RAB9B: variants seen among roughly 807,000 people sequenced by gnomAD.
The protein encoded by RAB9B is ras-related protein Rab-9B.
A neutral mutation model predicts 8.9 loss-of-function variants in RAB9B; 1 was observed. That is an observed-to-expected ratio of 0.11 (90% CI 0.04 to 0.53). The LOEUF (loss-of-function observed/expected upper bound fraction) is 0.53, where lower values mean the gene tolerates loss of function less well. RAB9B is among the 20% of genes least tolerant of loss of function. The probability of loss-of-function intolerance (pLI) is 0.93; values close to 1 mark genes in which losing one functional copy is unlikely to be tolerated. For missense variants in RAB9B, 82 were observed against 152.9 expected, an observed-to-expected ratio of 0.54 and a Z score of 2.45; for synonymous variants, 63 against 57.0, an observed-to-expected ratio of 1.10 and a Z score of -0.47.
chrX:103,790,082 TAC>T, the RAB9B span, among the ~76,000 whole-genome samples: 1 of 112,200 alleles, frequency 8.9e-6, no homozygotes, highest in African/African-American at 3.2e-5. Context: ...GAGGTTTCCA[TAC>T]AGAGTCAAGT....
At chrX:103,788,709 T>C in the RAB9B span, 5 of 450,768 alleles carry the variant, frequency 1.1e-5, no homozygotes, top group South Asian at 9.8e-5. Flanking sequence ...TAGAGTTGCA[T>C]AGAAAGACTT....
At chrX:103,797,965 C>G in the RAB9B span, among the ~76,000 whole-genome samples, 1 of 111,317 alleles carries the variant, frequency 9.0e-6, no homozygotes, top group East Asian at 2.8e-4. Context: ...CCGCCATGAC[C>G]TTGCTGCTCT....
In RAB9B at chrX:103,822,614, A is replaced by C. The variant is rs2074665901; in HGVS notation, c.*2565T>G. ...TGATGTTTTAACAGACCATTGAAAA[A>C]CAGTATAGTCCTAATTAGAAATATA... On this transcript the variant is annotated 3_prime_UTR_variant, in exon 3 of 3. Coordinates refer to ENST00000243298, the MANE Select transcript of RAB9B (RefSeq NM_016370.4). The C allele has an allele frequency of 8.9e-6, 1 of 111,742 alleles. No individual in the cohort carries two copies. The highest frequency in any genetic ancestry group is 3.3e-5 in the African/African-American group (1 of 30,719). The allele number at this position is 111,742 out of a possible 1,213,427, so 9.2% of individuals were successfully genotyped here.
the RAB9B span, among the ~76,000 whole-genome samples, chrX:103,813,745 CAAAAAAAAAAA>C: frequency 8.2e-4 from 7 of 8,541 alleles, no homozygotes; most frequent in Middle Eastern, 0.1. Context: ...AAATGGAAAG[CAAAAAAAAAAA>C]AAAAAAAAAA....
chrX:103,787,877 T>G, the RAB9B span: 4 of 1,207,933 alleles, frequency 3.3e-6, no homozygotes, highest in Non-Finnish European at 4.5e-6. Context: ...TACATTTACT[T>G]CAACACCTGG....
chrX:103,788,974 A>T, the RAB9B span: 1 of 319,431 alleles, frequency 3.1e-6, no homozygotes. Flanking sequence ...TTATATACAA[A>T]TGAGGCAGGG....
At chrX:103,825,923 C>T (rs923418852) in intron 2 of RAB9B, 97 bp from the exon 3 acceptor site, 1 of 619,922 alleles carries the variant, frequency 1.6e-6, no homozygotes, top group Non-Finnish European at 2.5e-6. Context: ...CCTTCTCATT[C>T]AACTTCTCTG....
the RAB9B span, among the ~76,000 whole-genome samples, chrX:103,782,259 G>T: frequency 8.9e-6 from 1 of 112,087 alleles, no homozygotes; most frequent in Admixed American, 9.5e-5. Flanking sequence ...TAGCTTAATA[G>T]TGATAGATTT....
At chrX:103,806,858 C>T in the RAB9B span, among the ~76,000 whole-genome samples, 8 of 154 alleles carry the variant, frequency 0.052, no homozygotes, top group Admixed American at 0.35. Context: ...GTACTCAGAC[C>T]GCAGAAGAGA....
Position 103,824,999 on chromosome X carries a change from TTTTTTAA to T in RAB9B, c.*173_*179del. 2.1e-6 allele frequency: 1 copy of T among 480,999 alleles called. No homozygotes were observed. Among genetic ancestry groups the T allele is most frequent in the Non-Finnish European group, 3.2e-6 (1 of 310,915 alleles). 39.6% of individuals were successfully genotyped at this position (480,999 alleles called of 1,213,427 possible). A position where few individuals can be genotyped will look rare whatever the true frequency, so the allele number is the denominator to read the frequency against. Reference sequence around the variant, plus strand: ...ACACTTGGCTTGATAGAGCTTCATTTTTTTTAATTTTTAATTTTTTTAAATCAATCTA... The same window carrying T: ...ACACTTGGCTTGATAGAGCTTCATTTTTTTTAATTTTTTTAAATCAATCTA... On this transcript the variant is annotated 3_prime_UTR_variant, in exon 3 of 3. Coordinates refer to ENST00000243298, the MANE Select transcript of RAB9B (RefSeq NM_016370.4).
the RAB9B span, among the ~76,000 whole-genome samples, chrX:103,798,887 G>A: frequency 6.5e-5 from 7 of 108,245 alleles, no homozygotes; most frequent in African/African-American, 1.7e-4. Context: ...TGATTTGCCC[G>A]CCTCAGCCTC....
the RAB9B span, among the ~76,000 whole-genome samples, chrX:103,785,311 A>G: frequency 3.3e-4 from 37 of 112,455 alleles, no homozygotes; most frequent in African/African-American, 1.1e-3. Flanking sequence ...TCCTGACCTC[A>G]TGTGATCCAC....
At chrX:103,787,368 T>G in the RAB9B span, 1 of 169,158 alleles carries the variant, frequency 5.9e-6, no homozygotes, top group African/African-American at 3.0e-5. Context: ...CTTAGAAAGG[T>G]TTTGTATCTG....
chrX:103,821,551 TTGGG>T (rs1446466389), downstream of RAB9B, among the ~76,000 whole-genome samples: 1 of 111,596 alleles, frequency 9.0e-6, no homozygotes, highest in Non-Finnish European at 1.9e-5. Context: ...ATTCAAGCCA[TTGGG>T]TGCTAATGTA....
At chrX:103,793,558 A>C in the RAB9B span, among the ~76,000 whole-genome samples, 1 of 112,389 alleles carries the variant, frequency 8.9e-6, no homozygotes, top group Admixed American at 9.4e-5. Flanking sequence ...AAGACACTGC[A>C]AACAAGGACA....
At chrX:103,792,580 A>G in the RAB9B span, 1 of 112,670 alleles carries the variant, frequency 8.9e-6, no homozygotes, top group Non-Finnish European at 1.9e-5. Context: ...TGTATTTTAT[A>G]AAATTAAAGA....
chrX:103,789,498 A>G, the RAB9B span: 1 of 670,259 alleles, frequency 1.5e-6, no homozygotes. Flanking sequence ...CCATCCTTGA[A>G]ATGCTGGAGG....
downstream of RAB9B, among the ~76,000 whole-genome samples, chrX:103,820,977 CACACAT>C (rs752645278): frequency 0.3 from 11,443 of 38,588 alleles, 1,029 homozygotes; most frequent in African/African-American, 0.46. Context: ...CACACACACA[CACACAT>C]ACACACACAC....
the RAB9B span, chrX:103,777,140 T>C: frequency 1.8e-6 from 1 of 549,532 alleles, no homozygotes; most frequent in Non-Finnish European, 3.2e-6. Flanking sequence ...TTCCTTAACA[T>C]TCAGTTAGAT....
Sources: allele counts gnomAD v4.1 joint callset (sites outside exome capture counted in the v4.1 genomes callset), GRCh38; gene constraint gnomAD v4.1.1; transcripts MANE v1.5; gene names NCBI Gene and HGNC (gene_info 2026-07-23, HGNC 2026-07-21).